ADARB2: variants seen among roughly 807,000 people sequenced by gnomAD.
ADARB2 encodes adenosine deaminase RNA specific B2 (inactive), also known as inactive double-stranded RNA-specific editase B2.
Under a neutral mutation model 62.2 loss-of-function variants are expected in ADARB2, and 25 were observed. That is an observed-to-expected ratio of 0.40 (90% CI 0.29 to 0.56). The LOEUF is 0.56. Ranked by LOEUF, ADARB2 falls within the 20% of genes least tolerant of loss-of-function variation. The pLI, the probability that ADARB2 is intolerant of heterozygous loss-of-function variation, is 0.43. For synonymous variants in ADARB2, 572 were observed against 500.8 expected (o/e 1.14, Z -1.90); for missense variants, 1,071 against 1,077.4 (o/e 0.99, Z 0.08).
chr10:1,706,131 A>T (rs1032198539), intron 1 of ADARB2, among the ~76,000 whole-genome samples: 27 of 152,222 alleles, frequency 1.8e-4, no homozygotes, highest in Non-Finnish European at 8.8e-5. Context: ...AGAGCAGAGA[A>T]TGTACAGAAT....
At chr10:1,528,497 A>AACACACTTT (rs1486728608) in intron 1 of ADARB2, among the ~76,000 whole-genome samples, 1 of 152,188 alleles carries the variant, frequency 6.6e-6, no homozygotes, top group Non-Finnish European at 1.5e-5. Context: ...TGGTGTGAGG[A>AACACACTTT]ACACACTTTT....
At chr10:1,716,897 T>C (rs1835025675) in intron 1 of ADARB2, among the ~76,000 whole-genome samples, 1 of 152,136 alleles carries the variant, frequency 6.6e-6, no homozygotes, top group African/African-American at 2.4e-5. Context: ...ATACCTTGAA[T>C]AACAATAAAC....
intron 1 of ADARB2, among the ~76,000 whole-genome samples, chr10:1,555,732 C>T (rs1347190458): frequency 2.0e-5 from 3 of 152,234 alleles, no homozygotes; most frequent in South Asian, 2.1e-4. Context: ...GTCAGGAGTT[C>T]GAGATCAGCC....
At chr10:1,405,621 T>G (rs1026089141) in intron 1 of ADARB2, among the ~76,000 whole-genome samples, 5 of 105,922 alleles carry the variant, frequency 4.7e-5, no homozygotes, top group Non-Finnish European at 9.1e-5. Flanking sequence ...GAGTGTGAGA[T>G]TCAGTCTCAA....
At chr10:1,502,677 A>G (rs1169956033) in intron 1 of ADARB2, among the ~76,000 whole-genome samples, 1 of 152,350 alleles carries the variant, frequency 6.6e-6, no homozygotes, top group East Asian at 1.9e-4. Flanking sequence ...ACTCGGGTGC[A>G]TGAGCTGGGC....
intron 1 of ADARB2, among the ~76,000 whole-genome samples, chr10:1,463,139 C>T (rs1324685500): frequency 6.6e-6 from 1 of 152,068 alleles, no homozygotes; most frequent in Non-Finnish European, 1.5e-5. Context: ...ACGTGCTCTC[C>T]ACGTGATGAG....
intron 3 of ADARB2, among the ~76,000 whole-genome samples, chr10:1,318,797 A>G (rs1831766405): frequency 6.6e-6 from 1 of 152,192 alleles, no homozygotes; most frequent in South Asian, 2.1e-4. Context: ...GGAATAATCT[A>G]GTTCCCACAT....
At chr10:1,611,920 C>T (rs951526311) in intron 1 of ADARB2, among the ~76,000 whole-genome samples, 1 of 152,132 alleles carries the variant, frequency 6.6e-6, no homozygotes, top group Non-Finnish European at 1.5e-5. Flanking sequence ...GCAGCTGGGG[C>T]CTCTTCCCGC....
intron 1 of ADARB2, among the ~76,000 whole-genome samples, chr10:1,661,397 A>C (rs1471150570): frequency 6.6e-6 from 1 of 152,134 alleles, no homozygotes; most frequent in Non-Finnish European, 1.5e-5. Context: ...CCCCACCCAA[A>C]CGTCCTCTCA....
intron 1 of ADARB2, among the ~76,000 whole-genome samples, chr10:1,650,395 T>C (rs1340731333): frequency 6.6e-6 from 1 of 152,144 alleles, no homozygotes; most frequent in Non-Finnish European, 1.5e-5. Flanking sequence ...CTAGGACCTT[T>C]GACAAGCTAA....
chr10:1,499,339 T>C (rs1831733669), intron 1 of ADARB2, among the ~76,000 whole-genome samples: 2 of 151,336 alleles, frequency 1.3e-5, no homozygotes, highest in South Asian at 4.2e-4. Context: ...GAATTAACCA[T>C]TCAGTCATTA....
At chr10:1,186,685 G>A (rs2131734580) in intron 8 of ADARB2, 1 of 436,692 alleles carries the variant, frequency 2.3e-6, no homozygotes, top group Non-Finnish European at 4.6e-6. Context: ...GGCGGTGCCT[G>A]CAGAGAAGAA....
At chr10:1,266,315 A>G (rs1025498130) in intron 4 of ADARB2, among the ~76,000 whole-genome samples, 13 of 152,256 alleles carry the variant, frequency 8.5e-5, no homozygotes, top group Non-Finnish European at 1.9e-4. Flanking sequence ...TGCTCCTGGC[A>G]TAGGGCTCAC....
At chr10:1,269,997 G>C (rs1331832171) in intron 4 of ADARB2, among the ~76,000 whole-genome samples, 2 of 152,190 alleles carry the variant, frequency 1.3e-5, no homozygotes, top group African/African-American at 4.8e-5. Flanking sequence ...ACCTTTCAAA[G>C]AATCTCATAT....
chr10:1,311,194 T>C (rs1322254321), intron 3 of ADARB2, among the ~76,000 whole-genome samples: 3 of 152,230 alleles, frequency 2.0e-5, no homozygotes, highest in Non-Finnish European at 2.9e-5. Flanking sequence ...CCATGGGGAA[T>C]GGTGGGCACA....
Position 1,704,008 on chromosome 10 carries a change from T to C in ADARB2, c.100+33043A>G, listed in dbSNP as rs1834856139. ...TGTTTATTGGATGCTACATTAGCTA[T>C]CTATTGCTTTGTGACAAGTTACCTC... is the stretch of plus-strand genomic sequence containing the variant. On this transcript the variant is annotated intron_variant, in intron 1 of 9. Coordinates refer to ENST00000381312, the MANE Select transcript of ADARB2 (RefSeq NM_018702.4). The surrounding 1 kb of genome is among the most constrained non-coding windows in gnomAD (Gnocchi z 5.6). Among the ~76,000 whole-genome samples, 1 of 152,216 alleles carries C rather than the reference T, an allele frequency of 6.6e-6. No individual in the cohort carries two copies. The highest frequency in any genetic ancestry group is 1.5e-5 in the Non-Finnish European group (1 of 68,036).
intron 7 of ADARB2, among the ~76,000 whole-genome samples, chr10:1,201,558 C>A (rs538542367): frequency 6.6e-6 from 1 of 151,352 alleles, no homozygotes; most frequent in Admixed American, 6.6e-5. Context: ...AGATGGAGGC[C>A]ACAGAGCGCC....
chr10:1,541,749 C>T (rs1832432090), intron 1 of ADARB2, among the ~76,000 whole-genome samples: 1 of 53,554 alleles, frequency 1.9e-5, no homozygotes, highest in Non-Finnish European at 3.6e-5. Context: ...GGATCACAGC[C>T]GTCCAGACCC....
At chr10:1,606,194 C>T (rs552045583) in intron 1 of ADARB2, among the ~76,000 whole-genome samples, 1 of 152,306 alleles carries the variant, frequency 6.6e-6, no homozygotes, top group South Asian at 2.1e-4. Context: ...CAGCTGGTGT[C>T]CCAGCACCTT....
Sources: gnomAD v4.1 joint callset for allele counts (sites outside exome capture counted in the v4.1 genomes callset) on GRCh38, gnomAD v4.1.1 for gene constraint, Gnocchi (gnomAD v3.1) non-coding constraint, MANE v1.5 for transcripts, NCBI Gene and HGNC (gene_info 2026-07-23, HGNC 2026-07-21) for gene names.